PIK3CA: variants seen among roughly 807,000 people sequenced by gnomAD.
PIK3CA encodes the protein phosphatidylinositol-4,5-bisphosphate 3-kinase catalytic subunit alpha, also known as phosphatidylinositol 4,5-bisphosphate 3-kinase catalytic subunit alpha isoform.
Under a neutral mutation model 138.2 loss-of-function variants are expected in PIK3CA, and 27 were observed. The ratio of observed to expected loss-of-function variants is 0.20; its 90% CI spans 0.14 to 0.27. PIK3CA has a LOEUF of 0.27. Among genes scored for constraint, PIK3CA ranks in the 10% least tolerant of loss-of-function variants. The probability of loss-of-function intolerance (pLI) is 1.00; values close to 1 mark genes in which losing one functional copy is unlikely to be tolerated. For missense variants in PIK3CA, 544 were observed against 1,277.4 expected (o/e 0.43, Z 8.75); for synonymous variants, 358 against 413.2 (o/e 0.87, Z 1.62).
chr3:179,180,514 TA>T (rs1723814596), intron 1 of PIK3CA, among the ~76,000 whole-genome samples: 1 of 151,986 alleles, frequency 6.6e-6, no homozygotes, highest in Admixed American at 6.6e-5. Context: ...CAGTCCTGCA[TA>T]TGAGAACTCT....
rs543513115 is a variant in PIK3CA, at chr3:179,193,060, C to T, written c.-76-5690C>T. 6.6e-5 allele frequency among the ~76,000 whole-genome samples: 10 copies of T among 152,306 alleles called. No individual in the cohort carries two copies. In the South Asian group the frequency reaches 1.9e-3, roughly 28 times the overall value. On this transcript the variant is annotated intron_variant, in intron 1 of 20. Transcript: ENST00000263967. ...TGCTACTTAACGTTGTTCTTAAAGGCGTCGTTACTTCTGCTGGGTAGTACT... is the reference window on the plus strand; with the variant it reads ...TGCTACTTAACGTTGTTCTTAAAGGTGTCGTTACTTCTGCTGGGTAGTACT...
In PIK3CA at chr3:179,238,970, T is replaced by C. The variant is rs1725384941; in HGVS notation, c.*4606T>C. ...CCTCCTTTTTATTAGTGCAGTGCCATTTCTTCTGCTTGATTTTAGGTATGT... is the reference window on the plus strand; with the variant it reads ...CCTCCTTTTTATTAGTGCAGTGCCACTTCTTCTGCTTGATTTTAGGTATGT... On this transcript the variant is annotated 3_prime_UTR_variant, in exon 21 of 21. Coordinates refer to ENST00000263967, the MANE Select transcript of PIK3CA (RefSeq NM_006218.4). The C allele has an allele frequency of 4.6e-6, 1 of 216,818 alleles. No individual in the cohort carries two copies. The highest frequency in any genetic ancestry group is 9.3e-6 in the Non-Finnish European group (1 of 107,854). 13.4% of individuals were successfully genotyped at this position (216,818 alleles called of 1,614,324 possible). A position where few individuals can be genotyped will look rare whatever the true frequency, so the allele number is the denominator to read the frequency against.
chr3:179,231,312 C>A (rs1051124700), intron 20 of PIK3CA, among the ~76,000 whole-genome samples: 14 of 152,076 alleles, frequency 9.2e-5, no homozygotes, highest in Admixed American at 8.5e-4. Context: ...TTCTTTTCCT[C>A]TGGGTAGAGG....
chr3:179,161,681 A>G (rs1293610089), intron 1 of PIK3CA, among the ~76,000 whole-genome samples: 2 of 152,180 alleles, frequency 1.3e-5, no homozygotes, highest in East Asian at 3.9e-4. Flanking sequence ...TGGGTGACAG[A>G]ATGAGACTCT....
At chr3:179,187,381 C>CA (rs1724010080) in intron 1 of PIK3CA, among the ~76,000 whole-genome samples, 1 of 150,472 alleles carries the variant, frequency 6.6e-6, no homozygotes, top group South Asian at 2.1e-4. Context: ...ACTAAAAATA[C>CA]AAAAAAATTA....
At chr3:179,198,546 G>T (rs1164173473) in intron 1 of PIK3CA, among the ~76,000 whole-genome samples, 2 of 152,068 alleles carry the variant, frequency 1.3e-5, no homozygotes, top group Admixed American at 1.3e-4. Context: ...AAATACAAAT[G>T]GTTTTTCTAA....
chr3:179,175,086 G>A (rs191970311), intron 1 of PIK3CA, among the ~76,000 whole-genome samples: 8 of 152,248 alleles, frequency 5.3e-5, no homozygotes, highest in East Asian at 3.9e-4. Flanking sequence ...CCCTACACCT[G>A]CTTCCTGTGT....
intron 16 of PIK3CA, 22 bp downstream of exon 16, chr3:179,224,843 C>T (rs772424441): frequency 6.5e-6 from 10 of 1,545,514 alleles, no homozygotes; most frequent in South Asian, 1.2e-5. Flanking sequence ...TATTAATGAG[C>T]TTATGATGCA....
At chr3:179,188,144 G>A (rs182094881) in intron 1 of PIK3CA, among the ~76,000 whole-genome samples, 2 of 152,278 alleles carry the variant, frequency 1.3e-5, no homozygotes, top group African/African-American at 4.8e-5. Flanking sequence ...GGACTAGATT[G>A]TGTTAATACA....
rs1270068361 is a variant in PIK3CA at position 179,185,567 on chromosome 3, T to C, written c.-76-13183T>C. On this transcript the variant is annotated intron_variant, in intron 1 of 20. Transcript: ENST00000263967. ...TAGAGATAGCATCAGATCCCATAGA[T>C]TGAGGGCTCAGTCACAAGACTGCCA... 2.6e-5 allele frequency among the ~76,000 whole-genome samples: 4 copies of C among 152,308 alleles called. No individual in the cohort carries two copies. In the East Asian group the frequency reaches 7.7e-4, roughly 29 times the overall value.
chr3:179,168,108 T>G (rs1054371798), intron 1 of PIK3CA, among the ~76,000 whole-genome samples: 2 of 152,228 alleles, frequency 1.3e-5, no homozygotes, highest in African/African-American at 2.4e-5. Flanking sequence ...ATTTGACCAC[T>G]GGTTCAGTTC....
intron 1 of PIK3CA, among the ~76,000 whole-genome samples, chr3:179,154,294 A>G (rs1475558686): frequency 6.6e-6 from 1 of 152,132 alleles, no homozygotes; most frequent in Non-Finnish European, 1.5e-5. Flanking sequence ...CAGTGGGGCC[A>G]GCATTACCAC....
At chr3:179,167,236 A>G (rs1338347588) in intron 1 of PIK3CA, among the ~76,000 whole-genome samples, 1 of 152,142 alleles carries the variant, frequency 6.6e-6, no homozygotes, top group Non-Finnish European at 1.5e-5. Flanking sequence ...TTGCCTCTTA[A>G]TAGCTACTGG....
intron 14 of PIK3CA, among the ~76,000 whole-genome samples, chr3:179,221,540 A>G (rs1470650097): frequency 5.3e-5 from 8 of 151,790 alleles, no homozygotes; most frequent in Non-Finnish European, 7.4e-5. Flanking sequence ...TCTGTCATTT[A>G]TTGTCTCTCA....
intron 6 of PIK3CA, 113 bp from the exon 7 acceptor site, chr3:179,209,482 C>T: frequency 1.7e-6 from 1 of 578,408 alleles, no homozygotes; most frequent in Middle Eastern, 3.1e-4. Context: ...CAATCAATCT[C>T]TTTCCTGTTT....
intron 1 of PIK3CA, among the ~76,000 whole-genome samples, chr3:179,162,732 A>G (rs1005382493): frequency 2.6e-5 from 4 of 152,148 alleles, no homozygotes; most frequent in African/African-American, 9.7e-5. Flanking sequence ...ATGTGAAGAA[A>G]CCTAAAAATC....
At chr3:179,232,016 T>A (rs1725224956) in intron 20 of PIK3CA, among the ~76,000 whole-genome samples, 1 of 152,172 alleles carries the variant, frequency 6.6e-6, no homozygotes, top group Admixed American at 6.5e-5. Context: ...TATTAGTCCT[T>A]TGTCAGATGC....
intron 3 of PIK3CA, among the ~76,000 whole-genome samples, chr3:179,200,732 G>A (rs186685816): frequency 0.012 from 1,865 of 152,204 alleles, 31 homozygotes; most frequent in Middle Eastern, 0.031. Flanking sequence ...TCTCTAAATA[G>A]TTTGTCTTCC....
At chr3:179,191,601 A>T (rs1436019574) in intron 1 of PIK3CA, among the ~76,000 whole-genome samples, 1 of 152,162 alleles carries the variant, frequency 6.6e-6, no homozygotes, top group Non-Finnish European at 1.5e-5. Flanking sequence ...TACAATATCG[A>T]TGTTTTAAAA....
Sources: gnomAD v4.1 joint callset for allele counts (sites outside exome capture counted in the v4.1 genomes callset) on GRCh38, gnomAD v4.1.1 for gene constraint, MANE v1.5 for transcripts, NCBI Gene and HGNC (gene_info 2026-07-23, HGNC 2026-07-21) for gene names.